Variants in TAFA1 observed in about 807,000 individuals in gnomAD.
The protein encoded by TAFA1 is TAFA chemokine like family member 1, also known as chemokine-like protein TAFA-1.
TAFA1 carries 4 observed loss-of-function variants against 18.5 expected under a neutral mutation model. That is an observed-to-expected ratio of 0.22 (90% CI 0.11 to 0.49). The LOEUF is 0.49. TAFA1 is among the 20% of genes least tolerant of loss of function. The pLI, the probability that TAFA1 is intolerant of heterozygous loss-of-function variation, is 0.98. For missense variants in TAFA1, 147 were observed against 169.0 expected (o/e 0.87, Z 0.72); for synonymous variants, 56 against 55.2 (o/e 1.01, Z -0.06).
At chr3:68,542,850 C>T (rs1265861192) in intron 4 of TAFA1, among the ~76,000 whole-genome samples, 5 of 152,090 alleles carry the variant, frequency 3.3e-5, no homozygotes, top group African/African-American at 1.2e-4. Flanking sequence ...GCCACTTAGG[C>T]CTTCATGTAG....
the TAFA1 span, among the ~76,000 whole-genome samples, chr3:67,991,719 G>A: frequency 5.9e-5 from 9 of 152,248 alleles, no homozygotes; most frequent in South Asian, 1.5e-3. Context: ...GAGACTTTTG[G>A]ACTTGGATTG....
At chr3:68,106,668 G>A (rs2065208556) in intron 2 of TAFA1, among the ~76,000 whole-genome samples, 1 of 152,094 alleles carries the variant, frequency 6.6e-6, no homozygotes, top group African/African-American at 2.4e-5. Context: ...GATGGACTGG[G>A]AGAAAATGCT....
At chr3:68,112,509 T>G (rs910035056) in intron 2 of TAFA1, among the ~76,000 whole-genome samples, 20 of 152,134 alleles carry the variant, frequency 1.3e-4, no homozygotes, top group Admixed American at 1.2e-3. Context: ...GCCAAAACCA[T>G]AAATAGATAT....
intron 2 of TAFA1, among the ~76,000 whole-genome samples, chr3:68,245,303 C>T (rs575155247): frequency 1.3e-5 from 2 of 152,182 alleles, no homozygotes; most frequent in Non-Finnish European, 2.9e-5. Flanking sequence ...TTTAACAGAA[C>T]TTCTTCCAAA....
At chr3:68,490,403 G>C (rs1408707464) in intron 3 of TAFA1, among the ~76,000 whole-genome samples, 1 of 138,522 alleles carries the variant, frequency 7.2e-6, no homozygotes, top group African/African-American at 2.6e-5. Context: ...TAATACGAAA[G>C]AAAAATATCC....
At chr3:68,469,107 T>A (rs1269577206) in intron 3 of TAFA1, among the ~76,000 whole-genome samples, 1 of 152,060 alleles carries the variant, frequency 6.6e-6, no homozygotes. Flanking sequence ...AAGAACACAT[T>A]TGGAGTATTT....
At chr3:68,370,365 CACAT>C (rs1479527405) in intron 2 of TAFA1, among the ~76,000 whole-genome samples, 3 of 64,176 alleles carry the variant, frequency 4.7e-5, no homozygotes, top group Admixed American at 2.1e-4. Flanking sequence ...CACACACACA[CACAT>C]ATATATATAC....
chr3:68,420,700 C>G (rs2070938142), intron 3 of TAFA1, among the ~76,000 whole-genome samples: 1 of 152,134 alleles, frequency 6.6e-6, no homozygotes, highest in Non-Finnish European at 1.5e-5. Flanking sequence ...GCCATGAATC[C>G]TATTGAACAT....
chr3:68,379,930 C>A (rs540807899), intron 2 of TAFA1, among the ~76,000 whole-genome samples: 9 of 151,676 alleles, frequency 5.9e-5, no homozygotes, highest in East Asian at 2.0e-4. Context: ...CCCCACCCCA[C>A]AACAGTCCCC....
chr3:68,177,463 A>T (rs894608279), intron 2 of TAFA1, among the ~76,000 whole-genome samples: 1 of 152,156 alleles, frequency 6.6e-6, no homozygotes, highest in Non-Finnish European at 1.5e-5. Context: ...TTTTGAAGAG[A>T]GAAACTTGTC....
intron 3 of TAFA1, among the ~76,000 whole-genome samples, chr3:68,521,835 G>T (rs1002541285): frequency 1.5e-4 from 19 of 129,976 alleles, no homozygotes; most frequent in Non-Finnish European, 2.8e-4. Flanking sequence ...AGTGAGTCTG[G>T]GTTTTTCTGT....
At chr3:68,198,386 CA>C (rs1373531380) in intron 2 of TAFA1, among the ~76,000 whole-genome samples, 1 of 151,542 alleles carries the variant, frequency 6.6e-6, no homozygotes, top group Non-Finnish European at 1.5e-5. Context: ...GGGTAAATAT[CA>C]AGGAACACAA....
At chr3:68,138,318 C>T (rs889269344) in intron 2 of TAFA1, among the ~76,000 whole-genome samples, 1 of 152,230 alleles carries the variant, frequency 6.6e-6, no homozygotes, top group Admixed American at 6.5e-5. Flanking sequence ...TGCCTCACCA[C>T]GAGAAACATG....
intron 2 of TAFA1, among the ~76,000 whole-genome samples, chr3:68,387,578 A>G (rs999131733): frequency 2.6e-5 from 4 of 152,278 alleles, no homozygotes; most frequent in African/African-American, 9.6e-5. Flanking sequence ...TGAGCCAGAC[A>G]TTATGATGGG....
intron 2 of TAFA1, among the ~76,000 whole-genome samples, chr3:68,260,446 G>C (rs986798260): frequency 6.6e-6 from 1 of 152,054 alleles, no homozygotes; most frequent in Non-Finnish European, 1.5e-5. Context: ...GATGATGCTG[G>C]CCTCATAAAA....
intron 2 of TAFA1, among the ~76,000 whole-genome samples, chr3:68,213,021 ATT>A (rs746541365): frequency 8.9e-5 from 13 of 145,658 alleles, no homozygotes; most frequent in East Asian, 4.0e-4. Flanking sequence ...AAATGGTGGT[ATT>A]TTTTTTTTTT....
In TAFA1 at chr3:68,525,007, T is replaced by A. The variant is rs1354356863; in HGVS notation, c.260-13749T>A. On this transcript the variant is annotated intron_variant, in intron 3 of 4. Coordinates refer to ENST00000478136, the MANE Select transcript of TAFA1 (RefSeq NM_213609.4). ...TTATTGTTGAACTTTGGGTATGTGT[T>A]CCACTCGACTTTCAATTTAGCTAAA... 3.9e-5 allele frequency among the ~76,000 whole-genome samples: 6 copies of A among 152,264 alleles called. No individual in the cohort carries two copies. The South Asian group carries it at 8.3e-4, about 21-fold the overall frequency.
In TAFA1 at chr3:68,144,733, G is replaced by A. The variant is rs184991006; in HGVS notation, c.118+137989G>A. Among the ~76,000 whole-genome samples the A allele has an allele frequency of 8.9e-4, 135 of 152,198 alleles. 1 individual carries two copies. Among genetic ancestry groups the A allele is most frequent in the Middle Eastern group, 3.4e-3 (1 of 294 alleles). ...CTTTAATTTCCCACTTCAGTAGTCC[G>A]TCTTACAATTTTTTTAACCTAGTTT... On this transcript the variant is annotated intron_variant, in intron 2 of 4. Transcript: ENST00000478136.
chr3:68,478,090 T>C (rs1049371336), intron 3 of TAFA1, among the ~76,000 whole-genome samples: 1 of 152,172 alleles, frequency 6.6e-6, no homozygotes, highest in Non-Finnish European at 1.5e-5. Context: ...AAGACTGAAG[T>C]TGGTCCTTGG....
Sources: gnomAD v4.1 joint callset for allele counts (sites outside exome capture counted in the v4.1 genomes callset) on GRCh38, gnomAD v4.1.1 for gene constraint, MANE v1.5 for transcripts, NCBI Gene and HGNC (gene_info 2026-07-23, HGNC 2026-07-21) for gene names.